The following CLIP1 variants were observed in gnomAD, a reference collection of about 807,000 sequenced individuals.
CLIP1 encodes the protein CAP-Gly domain containing linker protein 1.
A neutral mutation model predicts 161.6 loss-of-function variants in CLIP1; 66 were observed. The observed-to-expected ratio is 0.41, with a 90% CI of 0.33 to 0.50. The LOEUF (loss-of-function observed/expected upper bound fraction) is 0.50, where lower values mean the gene tolerates loss of function less well. Among genes scored for constraint, CLIP1 ranks in the 20% least tolerant of loss-of-function variants. CLIP1 has a pLI of 0.27. For missense variants in CLIP1, 1,376 were observed against 1,702.0 expected, an observed-to-expected ratio of 0.81 and a Z score of 3.37; for synonymous variants, 598 against 626.2, an observed-to-expected ratio of 0.96 and a Z score of 0.67.
chr12:122,310,453 C>A (rs1351996711), intron 19 of CLIP1, among the ~76,000 whole-genome samples: 1 of 152,170 alleles, frequency 6.6e-6, no homozygotes, highest in East Asian at 1.9e-4. Flanking sequence ...TTCCTAATTA[C>A]ATAACAGGTG....
chr12:122,389,548 T>C (rs1955490961), intron 1 of CLIP1, among the ~76,000 whole-genome samples: 1 of 151,926 alleles, frequency 6.6e-6, no homozygotes, highest in African/African-American at 2.4e-5. Context: ...CACTTGAGGT[T>C]AGGTGTTCGA....
chr12:122,360,936 A>G (rs2136568718), intron 5 of CLIP1, 23 bp downstream of exon 5: 2 of 1,584,174 alleles, frequency 1.3e-6, no homozygotes, highest in Non-Finnish European at 1.7e-6. Context: ...AAGTGGAGGC[A>G]GGTAGTGAGA....
rs539632317 is a variant in CLIP1, at chr12:122,355,414, G to A, written c.1006-102C>T. The A allele has an allele frequency of 1.3e-5, 13 of 996,452 alleles. No individual in the cohort carries two copies. The highest frequency in any genetic ancestry group is 6.2e-5 in the South Asian group (4 of 64,688). The allele number at this position is 996,452 out of a possible 1,614,324, so 61.7% of individuals were successfully genotyped here. A position where few individuals can be genotyped will look rare whatever the true frequency, so the allele number is the denominator to read the frequency against. On this transcript the variant is annotated intron_variant, in intron 5 of 25. Coordinates refer to ENST00000620786, the MANE Select transcript of CLIP1 (RefSeq NM_001247997.2). This position sits in a 1 kb window ranked among gnomAD's most constrained non-coding sequence, Gnocchi z 4.1. The stretch of plus-strand genomic sequence containing the variant: ...GGCATCTGCTCGGCAAAGCAAGGGC[G>A]CTGCTCCAGCTGGCAGGCTGGCCAG...
intron 1 of CLIP1, among the ~76,000 whole-genome samples, chr12:122,401,689 A>G (rs979091790): frequency 6.6e-6 from 1 of 151,736 alleles, no homozygotes; most frequent in Non-Finnish European, 1.5e-5. Flanking sequence ...ACTACCTACA[A>G]TGAGTGCTAT....
At chr12:122,387,746 T>A (rs972704842) in intron 1 of CLIP1, among the ~76,000 whole-genome samples, 4 of 151,090 alleles carry the variant, frequency 2.6e-5, no homozygotes, top group Non-Finnish European at 4.4e-5. Context: ...ACCACCATGC[T>A]TGGCCAAATT....
intron 5 of CLIP1, among the ~76,000 whole-genome samples, chr12:122,356,734 C>G (rs1404256559): frequency 6.8e-5 from 2 of 29,366 alleles, no homozygotes; most frequent in Non-Finnish European, 2.2e-4. Flanking sequence ...CTGCAGCCTC[C>G]CTGCCTGATT....
rs1951599146 is a variant in CLIP1, at chr12:122,323,578, G to C, written c.3250-4230C>G. On this transcript the variant is annotated intron_variant, in intron 17 of 25. Transcript: ENST00000620786. This position sits in a 1 kb window ranked among gnomAD's most constrained non-coding sequence, Gnocchi z 4.1. ...TGGCTTCTGAGCGGAGCAGCTGTTT[G>C]ACCTGGAGAGCGGCCTGGAGGCTGG... 2 of 152,862 alleles carry C rather than the reference G, an allele frequency of 1.3e-5. No individual in the cohort carries two copies. Among genetic ancestry groups the C allele is most frequent in the East Asian group, 3.9e-4 (2 of 5,188 alleles). The allele number at this position is 152,862 out of a possible 1,614,324, so 9.5% of individuals were successfully genotyped here.
chr12:122,292,060 C>T (rs1002162981), intron 20 of CLIP1, among the ~76,000 whole-genome samples: 16 of 152,064 alleles, frequency 1.1e-4, no homozygotes, highest in Non-Finnish European at 1.9e-4. Context: ...GACAAAATCT[C>T]GGCTCACTGC....
chr12:122,277,343 GTT>G (rs957453444), intron 24 of CLIP1: 1 of 115,168 alleles, frequency 8.7e-6, no homozygotes, highest in Non-Finnish European at 1.6e-5. Flanking sequence ...ATTGTTTTTT[GTT>G]TTTTTTGTTT....
At chr12:122,378,901 A>G (rs185018935) in intron 2 of CLIP1, among the ~76,000 whole-genome samples, 14 of 152,152 alleles carry the variant, frequency 9.2e-5, no homozygotes, top group African/African-American at 3.4e-4. Context: ...CGAGGCGGGC[A>G]GATCACCTGA....
At chr12:122,398,328 C>T (rs1956007352) in intron 1 of CLIP1, among the ~76,000 whole-genome samples, 1 of 149,004 alleles carries the variant, frequency 6.7e-6, no homozygotes, top group Admixed American at 6.7e-5. Flanking sequence ...ACTTGGGAGG[C>T]TGAGGAGAAT....
At position 122,279,149 on chromosome 12, in the gene CLIP1, A is replaced by T; in HGVS notation, c.3648-4T>A. On this transcript the variant is annotated splice_polypyrimidine_tract_variant and splice_region_variant and intron_variant, in intron 21 of 25. Coordinates refer to ENST00000620786, the MANE Select transcript of CLIP1 (RefSeq NM_001247997.2). The surrounding 1 kb of genome is among the most constrained non-coding windows in gnomAD (Gnocchi z 4.5). ...GTCTTTTATGAACTTGGATTCTCTA[A>T]AAGACCAAAGAGTTAAAAGTTCCAC... 6.3e-7 allele frequency: 1 copy of T among 1,596,270 alleles called. No individual in the cohort carries two copies. Among genetic ancestry groups the T allele is most frequent in the Non-Finnish European group, 8.6e-7 (1 of 1,167,872 alleles).
At chr12:122,415,414 G>A (rs1367110080) in intron 1 of CLIP1, among the ~76,000 whole-genome samples, 32 of 149,794 alleles carry the variant, frequency 2.1e-4, no homozygotes, top group Middle Eastern at 3.6e-3. Flanking sequence ...CCTGGGAGGC[G>A]GAGCTTGCAG....
chr12:122,298,222 T>C (rs149523629), intron 20 of CLIP1, among the ~76,000 whole-genome samples: 2 of 152,340 alleles, frequency 1.3e-5, no homozygotes, highest in African/African-American at 2.4e-5. Flanking sequence ...CGCATTATGC[T>C]ACCAACTAAA....
At chr12:122,379,993 T>G (rs1954937447) in intron 2 of CLIP1, among the ~76,000 whole-genome samples, 1 of 131,682 alleles carries the variant, frequency 7.6e-6, no homozygotes, top group Non-Finnish European at 1.6e-5. Context: ...GCCTGTAATC[T>G]CAGCACTTTG....
At chr12:122,315,983 A>G (rs1000073467) in intron 19 of CLIP1, among the ~76,000 whole-genome samples, 5 of 151,998 alleles carry the variant, frequency 3.3e-5, no homozygotes, top group African/African-American at 1.2e-4. Flanking sequence ...AGAAAGTGAC[A>G]TGCTATTTGA....
At chr12:122,379,198 C>T (rs1443387678) in intron 2 of CLIP1, among the ~76,000 whole-genome samples, 8 of 151,814 alleles carry the variant, frequency 5.3e-5, no homozygotes, top group Admixed American at 5.3e-4. Flanking sequence ...ATCCCAGCTA[C>T]TCTGGAGGCT....
At chr12:122,414,049 G>A (rs1228990074) in intron 1 of CLIP1, among the ~76,000 whole-genome samples, 1 of 151,988 alleles carries the variant, frequency 6.6e-6, no homozygotes, top group Admixed American at 6.6e-5. Context: ...ACCTGAAGAG[G>A]TCACTCTTCC....
chr12:122,374,262 G>A (rs1332156584), intron 3 of CLIP1, among the ~76,000 whole-genome samples: 1 of 147,416 alleles, frequency 6.8e-6, no homozygotes, highest in African/African-American at 2.5e-5. Flanking sequence ...ACAAGGTCAG[G>A]AGATCGAGAC....
Sources: allele counts gnomAD v4.1 joint callset (sites outside exome capture counted in the v4.1 genomes callset), GRCh38; gene constraint gnomAD v4.1.1; non-coding constraint Gnocchi (gnomAD v3.1); transcripts MANE v1.5; gene names NCBI Gene and HGNC (gene_info 2026-07-23, HGNC 2026-07-21).